USP32: variants seen among roughly 807,000 people sequenced by gnomAD.
The protein encoded by USP32 is ubiquitin specific peptidase 32.
Under a neutral mutation model 204.8 loss-of-function variants are expected in USP32, and 59 were observed. That is an observed-to-expected ratio of 0.29 (90% confidence interval 0.23 to 0.36). USP32 has a LOEUF of 0.36. Among genes scored for constraint, USP32 ranks in the 10% least tolerant of loss-of-function variants. USP32 has a pLI of 1.00. For synonymous variants in USP32, 517 were observed against 678.4 expected, an observed-to-expected ratio of 0.76 and a Z score of 3.70; for missense variants, 1,160 against 1,946.4, an observed-to-expected ratio of 0.60 and a Z score of 7.60.
chr17:60,364,901 A>C (rs2146067069), intron 1 of USP32, among the ~76,000 whole-genome samples: 1 of 152,320 alleles, frequency 6.6e-6, no homozygotes, highest in Non-Finnish European at 1.5e-5. Flanking sequence ...TTTTAGACCC[A>C]AATTTTATAT....
At chr17:60,196,282 A>AG (rs1345281264) in intron 27 of USP32, among the ~76,000 whole-genome samples, 1 of 151,468 alleles carries the variant, frequency 6.6e-6, no homozygotes, top group East Asian at 1.9e-4. Context: ...AAAAAAGAAA[A>AG]AAAAAAAAGA....
Position 60,384,394 on chromosome 17 carries a change from G to A in USP32, c.58+7488C>T, listed in dbSNP as rs143446568. Among the ~76,000 whole-genome samples, 120 of 152,266 alleles carry A rather than the reference G, an allele frequency of 7.9e-4. No individual in the cohort carries two copies. The East Asian group carries it at 0.02, about 26-fold the overall frequency. On this transcript the variant is annotated intron_variant, in intron 1 of 33. Transcript: ENST00000300896. ...CTCTGTAAAATCCCACTTTAGCATAGTTTTGCTTTTAATGCGGTCCAGTGT... is the reference window on the plus strand; with the variant it reads ...CTCTGTAAAATCCCACTTTAGCATAATTTTGCTTTTAATGCGGTCCAGTGT...
intron 5 of USP32, among the ~76,000 whole-genome samples, chr17:60,275,970 C>T (rs1320296680): frequency 1.3e-5 from 2 of 151,232 alleles, no homozygotes; most frequent in African/African-American, 4.9e-5. Context: ...GAGGAATATA[C>T]ACTGTGTCAT....
intron 1 of USP32, among the ~76,000 whole-genome samples, chr17:60,378,176 C>A (rs1386534174): frequency 6.6e-6 from 1 of 151,890 alleles, no homozygotes; most frequent in Non-Finnish European, 1.5e-5. Context: ...ATACAAATGA[C>A]CAATAGCACA....
intron 9 of USP32, among the ~76,000 whole-genome samples, chr17:60,262,352 C>T (rs1025793072): frequency 1.3e-5 from 2 of 152,096 alleles, no homozygotes; most frequent in African/African-American, 2.4e-5. Context: ...ACACCATGCC[C>T]GGCTAATTTT....
intron 1 of USP32, among the ~76,000 whole-genome samples, chr17:60,356,147 C>A (rs980757146): frequency 6.6e-6 from 1 of 152,116 alleles, no homozygotes; most frequent in Non-Finnish European, 1.5e-5. Context: ...GCTTTGAGTT[C>A]ACTCTACAAA....
intron 15 of USP32, among the ~76,000 whole-genome samples, chr17:60,220,597 A>C (rs2627906): frequency 0.046 from 6,949 of 151,534 alleles, 569 homozygotes; most frequent in African/African-American, 0.16. Flanking sequence ...AAGAGTAGTA[A>C]ATGATCAATT....
At chr17:60,375,477 C>CA in intron 1 of USP32, among the ~76,000 whole-genome samples, 1 of 152,292 alleles carries the variant, frequency 6.6e-6, no homozygotes, top group East Asian at 1.9e-4. Flanking sequence ...ATAAACCATA[C>CA]AGCAGAATGT....
At chr17:60,265,861 A>G in intron 8 of USP32, 115 bp downstream of exon 8, 1 of 788,194 alleles carries the variant, frequency 1.3e-6, no homozygotes, top group East Asian at 2.5e-5. Flanking sequence ...TTTGAGTAGC[A>G]TAATGTAGTA....
intron 2 of USP32, among the ~76,000 whole-genome samples, chr17:60,315,136 G>A (rs776789474): frequency 1.3e-5 from 2 of 152,166 alleles, no homozygotes; most frequent in Non-Finnish European, 2.9e-5. Context: ...GGTGGCTCAC[G>A]CCTGTAATCC....
chr17:60,302,092 A>C (rs1180033881), intron 2 of USP32, among the ~76,000 whole-genome samples: 1 of 148,468 alleles, frequency 6.7e-6, no homozygotes, highest in African/African-American at 2.4e-5. Flanking sequence ...TTCTGAGCAC[A>C]TATATATAAA....
At chr17:60,222,675 T>G (rs1290115317) in intron 14 of USP32, 126 bp from the exon 15 acceptor site, 11 of 842,422 alleles carry the variant, frequency 1.3e-5, no homozygotes, top group Non-Finnish European at 1.8e-5. Flanking sequence ...TGGAAAAACT[T>G]AATTTTTTTT....
chr17:60,319,390 C>T (rs2088059591), intron 2 of USP32, among the ~76,000 whole-genome samples: 1 of 152,060 alleles, frequency 6.6e-6, no homozygotes, highest in Non-Finnish European at 1.5e-5. Context: ...GTAGCTCTTG[C>T]CACAACAAAA....
chr17:60,193,061 A>G (rs1381801321), intron 27 of USP32, 131 bp from the exon 28 acceptor site: 9 of 886,616 alleles, frequency 1.0e-5, no homozygotes, highest in East Asian at 5.4e-5. Flanking sequence ...TGACAGCTCA[A>G]TGTTACTTAC....
At chr17:60,239,634 G>C (rs1188999010) in intron 11 of USP32, among the ~76,000 whole-genome samples, 3 of 152,112 alleles carry the variant, frequency 2.0e-5, no homozygotes, top group Non-Finnish European at 4.4e-5. Context: ...AGTTATTGTA[G>C]TTTTCAGCTC....
At chr17:60,200,198 C>CA (rs1006878151) in intron 26 of USP32, among the ~76,000 whole-genome samples, 46 of 140,132 alleles carry the variant, frequency 3.3e-4, no homozygotes, top group Middle Eastern at 3.4e-3. Context: ...CTGTCTCAAC[C>CA]AAAAAAAAAA....
Position 60,185,591 on chromosome 17 carries a change from G to A in USP32, c.3703C>T (p.Leu1235=), listed in dbSNP as rs754570695. Residue 1235 remains leucine, a synonymous_variant, in exon 30 of 34, where the codon CTG becomes TTG. Transcript: ENST00000300896. The part of the protein sequence containing the change: ...SRRAQAEPIN[L]DSCLRAFTSE... ...GTGAAAGCACGGAGACAGCTGTCCAGGTTGATGGGCTCGGCTTGCGCTCGC... is the reference window on the plus strand; with the variant it reads ...GTGAAAGCACGGAGACAGCTGTCCAAGTTGATGGGCTCGGCTTGCGCTCGC... 6.2e-7 allele frequency: 1 copy of A among 1,611,994 alleles called. No homozygotes were observed.
intron 1 of USP32, among the ~76,000 whole-genome samples, chr17:60,364,159 TGACA>T (rs2146063903): frequency 6.6e-6 from 1 of 152,262 alleles, no homozygotes; most frequent in South Asian, 2.1e-4. Context: ...TTCTGTGTCC[TGACA>T]TGGTGGGGCA....
In USP32 at chr17:60,222,541, T is replaced by A; in HGVS notation, c.1617A>T (p.Ser539=). The change falls in exon 15 of 34, where the codon TCA becomes TCT. Residue 539 remains serine, a synonymous_variant. Coordinates refer to ENST00000300896, the MANE Select transcript of USP32 (RefSeq NM_032582.4). ...LVTQEPVKAT[S]LTLEGGRLKR... is the part of the protein sequence containing the mutation. ...TTAATCGTCCTCCTTCTAGTGTTAA[T>A]GATGTAGCCTGAGAAAGAATAGAAT... The A allele has an allele frequency of 6.2e-7, 1 of 1,613,662 alleles. No individual in the cohort carries two copies. Among genetic ancestry groups the A allele is most frequent in the Non-Finnish European group, 8.5e-7 (1 of 1,179,806 alleles).
Sources: allele counts gnomAD v4.1 joint callset (sites outside exome capture counted in the v4.1 genomes callset), GRCh38; gene constraint gnomAD v4.1.1; transcripts MANE v1.5; gene names NCBI Gene and HGNC (gene_info 2026-07-23, HGNC 2026-07-21).